The following MAGI2 variants were observed in gnomAD, a reference collection of about 807,000 sequenced individuals.
MAGI2 encodes the protein membrane-associated guanylate kinase, WW and PDZ domain-containing protein 2.
In MAGI2, 35 loss-of-function variants were observed where a neutral mutation model predicts 133.3. The observed-to-expected ratio is 0.26, with a 90% CI of 0.20 to 0.35. MAGI2 has a LOEUF of 0.35. Ranked by LOEUF, MAGI2 falls within the 10% of genes least tolerant of loss-of-function variation. The pLI, the probability that MAGI2 is intolerant of heterozygous loss-of-function variation, is 1.00. For synonymous variants in MAGI2, 729 were observed against 710.6 expected (o/e 1.03, Z -0.41); for missense variants, 1,636 against 1,863.4 (o/e 0.88, Z 2.25).
At chr7:79,277,127 C>A (rs1835286114) in intron 1 of MAGI2, among the ~76,000 whole-genome samples, 1 of 152,018 alleles carries the variant, frequency 6.6e-6, no homozygotes, top group Non-Finnish European at 1.5e-5. Flanking sequence ...AAGAAAGAGT[C>A]AATTGATGCA....
rs117113694 is a variant in MAGI2, at chr7:78,435,757, C to T, written c.1045+54004G>A. Among the ~76,000 whole-genome samples the T allele has an allele frequency of 2.4e-3, 365 of 152,250 alleles. 6 individuals are homozygous for T. Among genetic ancestry groups the T allele is most frequent in the East Asian group, 0.024 (124 of 5,176 alleles). On this transcript the variant is annotated intron_variant, in intron 6 of 21. Coordinates refer to ENST00000354212, the MANE Select transcript of MAGI2 (RefSeq NM_012301.4). ...GACACATTAGGTACATTTGCCTCAACCAGCAGATTGAAAATCTGGAGCCCA... is the reference window on the plus strand; with the variant it reads ...GACACATTAGGTACATTTGCCTCAATCAGCAGATTGAAAATCTGGAGCCCA...
chr7:78,761,111 T>C (rs930653958), intron 2 of MAGI2, among the ~76,000 whole-genome samples: 1 of 152,218 alleles, frequency 6.6e-6, no homozygotes, highest in African/African-American at 2.4e-5. Flanking sequence ...ATGGTTAATG[T>C]GGGCCAGAGG....
chr7:79,325,294 C>T (rs544392635), intron 1 of MAGI2, among the ~76,000 whole-genome samples: 1 of 152,160 alleles, frequency 6.6e-6, no homozygotes, highest in South Asian at 2.1e-4. Flanking sequence ...TTATCGTAAC[C>T]CTCCCTTTGC....
At chr7:78,261,560 T>A (rs941728059) in intron 9 of MAGI2, among the ~76,000 whole-genome samples, 1 of 152,128 alleles carries the variant, frequency 6.6e-6, no homozygotes, top group Non-Finnish European at 1.5e-5. Context: ...TCTCACTGAA[T>A]AAAGGATGGA....
Position 79,200,396 on chromosome 7 carries a change from A to G in MAGI2, c.302-193190T>C, listed in dbSNP as rs183889462. 4.4e-3 allele frequency among the ~76,000 whole-genome samples: 666 copies of G among 151,602 alleles called. 13 individuals are homozygous for G. Among genetic ancestry groups the G allele is most frequent in the African/African-American group, 0.016 (645 of 41,122 alleles). The stretch of plus-strand genomic sequence containing the variant: ...GGCAGGAGGATCACTTATGCTCAGG[A>G]ATTTGAGACCAGCCTGGGCAACATG... On this transcript the variant is annotated intron_variant, in intron 1 of 21. Coordinates refer to ENST00000354212, the MANE Select transcript of MAGI2 (RefSeq NM_012301.4).
intron 1 of MAGI2, among the ~76,000 whole-genome samples, chr7:79,121,661 T>G (rs1370880634): frequency 1.3e-5 from 2 of 152,186 alleles, no homozygotes; most frequent in Non-Finnish European, 2.9e-5. Context: ...TGCCATGTTT[T>G]TAGGTTAAAG....
chr7:78,305,982 C>CA (rs1798216558), intron 9 of MAGI2, among the ~76,000 whole-genome samples: 1 of 152,168 alleles, frequency 6.6e-6, no homozygotes, highest in Non-Finnish European at 1.5e-5. Flanking sequence ...TCAGAGAACT[C>CA]ACATTTGTTC....
At chr7:78,687,991 A>G (rs67683962) in intron 2 of MAGI2, among the ~76,000 whole-genome samples, 8 of 129,460 alleles carry the variant, frequency 6.2e-5, no homozygotes, top group Admixed American at 2.4e-4. Context: ...AAAAAAAAAA[A>G]AAAAAAAAAA....
intron 1 of MAGI2, among the ~76,000 whole-genome samples, chr7:79,174,438 G>C (rs996029316): frequency 6.6e-6 from 1 of 151,986 alleles, no homozygotes; most frequent in Non-Finnish European, 1.5e-5. Flanking sequence ...CAAATGTGTG[G>C]TTCGGAAGGT....
chr7:79,029,190 T>C (rs1810319885), intron 1 of MAGI2, among the ~76,000 whole-genome samples: 1 of 152,118 alleles, frequency 6.6e-6, no homozygotes, highest in South Asian at 2.1e-4. Flanking sequence ...TAGCTTTTAG[T>C]GAGTAATACT....
intron 2 of MAGI2, among the ~76,000 whole-genome samples, chr7:78,948,230 A>G (rs1292123918): frequency 6.6e-6 from 1 of 152,060 alleles, no homozygotes; most frequent in Non-Finnish European, 1.5e-5. Context: ...TTCATTTTAC[A>G]TTTATACATT....
chr7:78,787,705 G>A (rs1003558725), intron 2 of MAGI2, among the ~76,000 whole-genome samples: 1 of 152,166 alleles, frequency 6.6e-6, no homozygotes, highest in Non-Finnish European at 1.5e-5. Flanking sequence ...TTAGCTTTGT[G>A]TAAGCATAAA....
chr7:79,251,133 A>G (rs765857694), intron 1 of MAGI2, among the ~76,000 whole-genome samples: 1 of 152,110 alleles, frequency 6.6e-6, no homozygotes, highest in Non-Finnish European at 1.5e-5. Flanking sequence ...CTATGAAACT[A>G]CTAGAGGAAA....
At chr7:78,221,628 T>C (rs1282293934) in intron 10 of MAGI2, among the ~76,000 whole-genome samples, 1 of 152,072 alleles carries the variant, frequency 6.6e-6, no homozygotes, top group Non-Finnish European at 1.5e-5. Context: ...CTCATATTAT[T>C]TGCATATTCA....
At chr7:79,280,089 G>A (rs984365978) in intron 1 of MAGI2, among the ~76,000 whole-genome samples, 1 of 152,052 alleles carries the variant, frequency 6.6e-6, no homozygotes, top group Non-Finnish European at 1.5e-5. Flanking sequence ...TGTAGATTTA[G>A]TACATAGCTA....
chr7:79,396,882 T>C (rs1845097357), intron 1 of MAGI2, among the ~76,000 whole-genome samples: 1 of 96,524 alleles, frequency 1.0e-5, no homozygotes. Flanking sequence ...ACATTTCACA[T>C]ATATTAAGTG....
chr7:78,801,814 C>A (rs1788081378), intron 2 of MAGI2, among the ~76,000 whole-genome samples: 1 of 152,098 alleles, frequency 6.6e-6, no homozygotes, highest in Admixed American at 6.6e-5. Flanking sequence ...TTATTACTCA[C>A]CATCTTATAA....
chr7:79,423,560 G>A (rs931322156), intron 1 of MAGI2, among the ~76,000 whole-genome samples: 1 of 151,936 alleles, frequency 6.6e-6, no homozygotes, highest in African/African-American at 2.4e-5. Flanking sequence ...GTGAGGAGAC[G>A]AGTCTTTCAA....
At chr7:78,777,484 T>C (rs1409367569) in intron 2 of MAGI2, among the ~76,000 whole-genome samples, 2 of 152,104 alleles carry the variant, frequency 1.3e-5, no homozygotes, top group Non-Finnish European at 2.9e-5. Context: ...AATATCATCA[T>C]CACCACCATC....
Sources: gnomAD v4.1 joint callset for allele counts (sites outside exome capture counted in the v4.1 genomes callset) on GRCh38, gnomAD v4.1.1 for gene constraint, MANE v1.5 for transcripts, NCBI Gene and HGNC (gene_info 2026-07-23, HGNC 2026-07-21) for gene names.